The following MGAT4C variants were observed in gnomAD, a reference collection of about 807,000 sequenced individuals.
The protein encoded by MGAT4C is MGAT4 family member C.
In MGAT4C, 19 loss-of-function variants were observed where a neutral mutation model predicts 40.1. The observed-to-expected ratio is 0.47, with a 90% confidence interval of 0.33 to 0.70. The LOEUF is 0.70. Among genes scored for constraint, MGAT4C ranks in the 30% least tolerant of loss-of-function variants. MGAT4C has a pLI of 0.02. For synonymous variants in MGAT4C, 181 were observed against 187.1 expected (o/e 0.97, Z 0.27); for missense variants, 491 against 563.2 (o/e 0.87, Z 1.30).
At chr12:86,579,713 T>C (rs753906665) in intron 2 of MGAT4C, among the ~76,000 whole-genome samples, 1 of 151,600 alleles carries the variant, frequency 6.6e-6, no homozygotes, top group African/African-American at 2.4e-5. Context: ...GTATTCCCTT[T>C]AGCATTTCTT....
intron 1 of MGAT4C, among the ~76,000 whole-genome samples, chr12:86,118,398 G>C (rs764067036): frequency 1.3e-5 from 2 of 152,150 alleles, no homozygotes; most frequent in African/African-American, 2.4e-5. Context: ...TTTTATGTTA[G>C]TGCCCATTGA....
At chr12:86,784,852 A>G (rs1419762121) in intron 1 of MGAT4C, among the ~76,000 whole-genome samples, 1 of 152,018 alleles carries the variant, frequency 6.6e-6, no homozygotes, top group Non-Finnish European at 1.5e-5. Flanking sequence ...GGAAAATATC[A>G]AATGCAGTTC....
At chr12:86,166,116 T>C (rs1002106924) in intron 1 of MGAT4C, among the ~76,000 whole-genome samples, 1 of 152,208 alleles carries the variant, frequency 6.6e-6, no homozygotes, top group African/African-American at 2.4e-5. Flanking sequence ...CTTTGAGTCA[T>C]ATCTAAAATT....
At chr12:86,746,776 AG>A (rs1951160350) in intron 1 of MGAT4C, among the ~76,000 whole-genome samples, 2 of 151,570 alleles carry the variant, frequency 1.3e-5, no homozygotes, top group Admixed American at 1.3e-4. Context: ...ATATCACCTT[AG>A]GTATCTTTTC....
intron 1 of MGAT4C, among the ~76,000 whole-genome samples, chr12:86,796,448 T>C (rs778247218): frequency 1.3e-5 from 2 of 151,944 alleles, no homozygotes; most frequent in African/African-American, 2.4e-5. Context: ...TTATGTTAAG[T>C]GAAATAAGCC....
intron 1 of MGAT4C, among the ~76,000 whole-genome samples, chr12:86,815,662 A>C (rs1952588007): frequency 6.6e-6 from 1 of 151,508 alleles, no homozygotes; most frequent in South Asian, 2.1e-4. Context: ...ATTATATGAT[A>C]GAATACTATG....
At chr12:86,057,189 T>C (rs995785464) in intron 1 of MGAT4C, among the ~76,000 whole-genome samples, 3 of 152,118 alleles carry the variant, frequency 2.0e-5, no homozygotes, top group African/African-American at 7.2e-5. Flanking sequence ...TATTATTTTC[T>C]TTTTTAGAGA....
At chr12:86,640,619 T>C (rs1963352839) in intron 2 of MGAT4C, among the ~76,000 whole-genome samples, 1 of 151,868 alleles carries the variant, frequency 6.6e-6, no homozygotes, top group Non-Finnish European at 1.5e-5. Context: ...CTACTCTGAT[T>C]TTAGTTATTT....
chr12:86,281,111 C>T (rs1953208841), intron 4 of MGAT4C, among the ~76,000 whole-genome samples: 2 of 151,878 alleles, frequency 1.3e-5, no homozygotes, highest in South Asian at 4.2e-4. Context: ...TTTGTTATTT[C>T]CTTTTCTGTT....
chr12:86,043,608 TCTC>T (rs2136946291), intron 2 of MGAT4C, among the ~76,000 whole-genome samples: 1 of 152,214 alleles, frequency 6.6e-6, no homozygotes, highest in East Asian at 1.9e-4. Flanking sequence ...CAAATATTAA[TCTC>T]CTTTGGCATC....
At chr12:86,453,329 G>T (rs988469069) in intron 2 of MGAT4C, among the ~76,000 whole-genome samples, 1 of 152,088 alleles carries the variant, frequency 6.6e-6, no homozygotes, top group Non-Finnish European at 1.5e-5. Context: ...ACCAAGAAGA[G>T]AGTTACAGTT....
At chr12:86,598,380 T>C (rs967376264) in intron 2 of MGAT4C, among the ~76,000 whole-genome samples, 3 of 152,144 alleles carry the variant, frequency 2.0e-5, no homozygotes, top group Admixed American at 6.5e-5. Flanking sequence ...TATAGAGATA[T>C]ATGTATTTAT....
chr12:86,103,332 G>A (rs1237247343), intron 1 of MGAT4C, among the ~76,000 whole-genome samples: 3 of 152,140 alleles, frequency 2.0e-5, no homozygotes, highest in Non-Finnish European at 4.4e-5. Flanking sequence ...GTGGCCCCAA[G>A]TATATGCATG....
chr12:86,098,510 T>C (rs1874348587), intron 1 of MGAT4C, among the ~76,000 whole-genome samples: 1 of 151,644 alleles, frequency 6.6e-6, no homozygotes, highest in African/African-American at 2.4e-5. Context: ...TTCATTTTGG[T>C]TCCCCTTGTT....
intron 3 of MGAT4C, among the ~76,000 whole-genome samples, chr12:86,434,451 C>T (rs1322340491): frequency 2.6e-5 from 4 of 151,714 alleles, no homozygotes; most frequent in South Asian, 2.1e-4. Context: ...TATGTATACA[C>T]ATGTATATGC....
intron 1 of MGAT4C, among the ~76,000 whole-genome samples, chr12:86,816,334 AC>A (rs2136222095): frequency 6.6e-6 from 1 of 151,998 alleles, no homozygotes; most frequent in African/African-American, 2.4e-5. Context: ...TTTTAAAAAT[AC>A]GTTACAAGTT....
At chr12:86,617,760 A>G (rs1208346324) in intron 2 of MGAT4C, among the ~76,000 whole-genome samples, 1 of 152,114 alleles carries the variant, frequency 6.6e-6, no homozygotes, top group Non-Finnish European at 1.5e-5. Flanking sequence ...GAAATGCTCC[A>G]GTACTTTGCT....
intron 1 of MGAT4C, among the ~76,000 whole-genome samples, chr12:86,057,641 A>G (rs1893538205): frequency 6.6e-6 from 1 of 152,118 alleles, no homozygotes. Context: ...TGGGACTTCA[A>G]TTAGAGGACT....
At chr12:86,389,105 G>T (rs1022812336) in intron 3 of MGAT4C, among the ~76,000 whole-genome samples, 14 of 152,214 alleles carry the variant, frequency 9.2e-5, no homozygotes, top group African/African-American at 3.1e-4. Flanking sequence ...AGGTAAACTT[G>T]TCACAGGGGT....
Sources: allele counts gnomAD v4.1 joint callset (sites outside exome capture counted in the v4.1 genomes callset), GRCh38; gene constraint gnomAD v4.1.1; transcripts MANE v1.5; gene names NCBI Gene and HGNC (gene_info 2026-07-23, HGNC 2026-07-21).